HS6ST3: variants seen among roughly 807,000 people sequenced by gnomAD.
HS6ST3 encodes the protein heparan-sulfate 6-O-sulfotransferase 3.
A neutral mutation model predicts 36.7 loss-of-function variants in HS6ST3; 12 were observed. The observed-to-expected ratio is 0.33, with a 90% CI of 0.21 to 0.53. The LOEUF (loss-of-function observed/expected upper bound fraction) is 0.53, where lower values mean the gene tolerates loss of function less well. Ranked by LOEUF, HS6ST3 falls within the 20% of genes least tolerant of loss-of-function variation. The probability of loss-of-function intolerance (pLI) is 0.95; values close to 1 mark genes in which losing one functional copy is unlikely to be tolerated. For synonymous variants in HS6ST3, 240 were observed against 257.5 expected, an observed-to-expected ratio of 0.93 and a Z score of 0.65; for missense variants, 584 against 640.9, an observed-to-expected ratio of 0.91 and a Z score of 0.96.
intron 1 of HS6ST3, among the ~76,000 whole-genome samples, chr13:96,160,690 A>C (rs61968032): frequency 0.026 from 3,994 of 152,336 alleles, 64 homozygotes; most frequent in Non-Finnish European, 0.034. Context: ...GGCTATTCTG[A>C]AGACAAATGA....
intron 1 of HS6ST3, among the ~76,000 whole-genome samples, chr13:96,128,037 A>G (rs1445276124): frequency 6.6e-6 from 1 of 152,148 alleles, no homozygotes; most frequent in Non-Finnish European, 1.5e-5. Context: ...GGGCTTGGGA[A>G]TCTGTATTGT....
intron 1 of HS6ST3, among the ~76,000 whole-genome samples, chr13:96,535,857 C>T (rs2056153304): frequency 6.6e-6 from 1 of 152,154 alleles, no homozygotes; most frequent in Non-Finnish European, 1.5e-5. Flanking sequence ...AAGTCCCTTT[C>T]CTAATGCCAG....
intron 1 of HS6ST3, among the ~76,000 whole-genome samples, chr13:96,293,370 A>G (rs567686915): frequency 6.6e-6 from 1 of 152,102 alleles, no homozygotes; most frequent in South Asian, 2.1e-4. Flanking sequence ...TACCCATTTG[A>G]TACTGTTCTT....
chr13:96,352,070 A>G (rs2055186656), intron 1 of HS6ST3, among the ~76,000 whole-genome samples: 1 of 152,254 alleles, frequency 6.6e-6, no homozygotes, highest in Admixed American at 6.5e-5. Flanking sequence ...AGTTCTACTT[A>G]GGTAGAAATA....
chr13:96,478,677 C>G (rs2055875681), intron 1 of HS6ST3, among the ~76,000 whole-genome samples: 1 of 152,072 alleles, frequency 6.6e-6, no homozygotes. Context: ...TGCTTTGTGC[C>G]TCTCACTCAG....
chr13:96,534,398 G>A (rs2056147279), intron 1 of HS6ST3, among the ~76,000 whole-genome samples: 2 of 152,180 alleles, frequency 1.3e-5, no homozygotes, highest in South Asian at 4.1e-4. Flanking sequence ...TCAATGACTA[G>A]CTAATCAAAC....
chr13:96,335,909 C>T lies in HS6ST3; in HGVS notation c.707+244340C>T, dbSNP rs61966934. ...ATATATGAGACTTTCTTTAGAATAT[C>T]GGTGCCTAGGAAGTATTATAATAAA... On this transcript the variant is annotated intron_variant, in intron 1 of 1. Coordinates refer to ENST00000376705, the MANE Select transcript of HS6ST3 (RefSeq NM_153456.4). 3.2e-3 allele frequency among the ~76,000 whole-genome samples: 491 copies of T among 152,166 alleles called. 1 individual carries two copies. The highest frequency in any genetic ancestry group is 5.5e-3 in the Non-Finnish European group (377 of 67,996).
intron 1 of HS6ST3, among the ~76,000 whole-genome samples, chr13:96,511,383 C>A (rs186082277): frequency 6.6e-6 from 1 of 151,992 alleles, no homozygotes. Context: ...GGAGGATTCC[C>A]ATATCCTCAT....
intron 1 of HS6ST3, among the ~76,000 whole-genome samples, chr13:96,496,655 A>G (rs2138909877): frequency 6.6e-6 from 1 of 152,286 alleles, no homozygotes; most frequent in East Asian, 1.9e-4. Context: ...CATCTCAGAC[A>G]TTCCTACCCA....
At chr13:96,257,270 G>C (rs370198057) in intron 1 of HS6ST3, among the ~76,000 whole-genome samples, 2 of 152,262 alleles carry the variant, frequency 1.3e-5, no homozygotes, top group South Asian at 2.1e-4. Context: ...TCTATCTACT[G>C]TGCATCTGCA....
intron 1 of HS6ST3, among the ~76,000 whole-genome samples, chr13:96,352,483 A>C (rs2055188488): frequency 6.6e-6 from 1 of 152,204 alleles, no homozygotes; most frequent in East Asian, 1.9e-4. Context: ...GCTTCCCCAG[A>C]GCACGCGATC....
chr13:96,286,309 C>T (rs2054802193), intron 1 of HS6ST3, among the ~76,000 whole-genome samples: 1 of 152,128 alleles, frequency 6.6e-6, no homozygotes, highest in Admixed American at 6.5e-5. Flanking sequence ...GCCCTGAAAT[C>T]CCTCCTGTTT....
chr13:96,091,626 A>T (rs2053765480), intron 1 of HS6ST3, 57 bp downstream of exon 1: 1 of 1,387,360 alleles, frequency 7.2e-7, no homozygotes, highest in Non-Finnish European at 9.3e-7. Context: ...CCTCTTCCTC[A>T]GTCCTGACCC....
At chr13:96,534,680 C>T (rs560071350) in intron 1 of HS6ST3, among the ~76,000 whole-genome samples, 12 of 152,248 alleles carry the variant, frequency 7.9e-5, no homozygotes, top group Admixed American at 2.0e-4. Context: ...AAGAAGAGGC[C>T]GGGCACGGTG....
At chr13:96,524,062 T>C (rs1227463679) in intron 1 of HS6ST3, among the ~76,000 whole-genome samples, 1 of 152,200 alleles carries the variant, frequency 6.6e-6, no homozygotes, top group Non-Finnish European at 1.5e-5. Flanking sequence ...GTCCTTCTTG[T>C]TGATGTTGAT....
chr13:96,238,309 A>G (rs1025140955), intron 1 of HS6ST3, among the ~76,000 whole-genome samples: 6 of 152,120 alleles, frequency 3.9e-5, no homozygotes, highest in African/African-American at 1.4e-4. Flanking sequence ...AAGCCACATC[A>G]TCCCTTACTT....
At chr13:96,310,916 T>G (rs2054937880) in intron 1 of HS6ST3, among the ~76,000 whole-genome samples, 1 of 152,136 alleles carries the variant, frequency 6.6e-6, no homozygotes, top group Non-Finnish European at 1.5e-5. Flanking sequence ...ACTACACCTG[T>G]CCCTTCCCTG....
At chr13:96,443,614 A>T (rs998234266) in intron 1 of HS6ST3, among the ~76,000 whole-genome samples, 6 of 151,750 alleles carry the variant, frequency 4.0e-5, no homozygotes, top group African/African-American at 1.5e-4. Flanking sequence ...ACAAATTTCT[A>T]TTTAAAATGG....
chr13:96,736,308 G>A (rs1169996360), intron 1 of HS6ST3, among the ~76,000 whole-genome samples: 1 of 152,016 alleles, frequency 6.6e-6, no homozygotes, highest in Non-Finnish European at 1.5e-5. Context: ...CCAAGCAAAG[G>A]CAAATGCAAA....
Sources: allele counts gnomAD v4.1 joint callset (sites outside exome capture counted in the v4.1 genomes callset), GRCh38; gene constraint gnomAD v4.1.1; transcripts MANE v1.5; gene names NCBI Gene and HGNC (gene_info 2026-07-23, HGNC 2026-07-21).